CAMTA2: variants seen among roughly 807,000 people sequenced by gnomAD.
The protein encoded by CAMTA2 is calmodulin binding transcription activator 2, also known as calmodulin-binding transcription activator 2.
CAMTA2 carries 56 observed loss-of-function variants against 135.7 expected under a neutral mutation model. The ratio of observed to expected loss-of-function variants is 0.41; its 90% CI spans 0.33 to 0.52. The LOEUF is 0.52. Ranked by LOEUF, CAMTA2 falls within the 20% of genes least tolerant of loss-of-function variation. CAMTA2 has a pLI of 0.16. For synonymous variants in CAMTA2, 591 were observed against 604.6 expected, an observed-to-expected ratio of 0.98 and a Z score of 0.33; for missense variants, 1,358 against 1,553.4, an observed-to-expected ratio of 0.87 and a Z score of 2.11.
rs752138483 is a variant in CAMTA2 at position 4,969,777 on chromosome 17, G to A, written c.3190-76C>T. The stretch of plus-strand genomic sequence containing the variant: ...GACTTGTCCCTTCAACTTTCCTGGG[G>A]TTCCCCTGACCCTTTACCCCATCCA... On this transcript the variant is annotated intron_variant, in intron 18 of 22. Coordinates refer to ENST00000348066, the MANE Select transcript of CAMTA2 (RefSeq NM_015099.4). This position sits in a 1 kb window ranked among gnomAD's most constrained non-coding sequence, Gnocchi z 5.6. 10 of 1,600,264 alleles carry A rather than the reference G, an allele frequency of 6.2e-6. No homozygotes were observed. The highest frequency in any genetic ancestry group is 2.2e-5 in the East Asian group (1 of 44,770).
Position 4,973,014 on chromosome 17 carries a change from C to T in CAMTA2, c.2281-23G>A, listed in dbSNP as rs749428043. The T allele has an allele frequency of 2.6e-5, 41 of 1,599,788 alleles. No homozygotes were observed. In the Admixed American group the frequency reaches 4.0e-4, roughly 16 times the overall value. On this transcript the variant is annotated intron_variant, in intron 14 of 22. Coordinates refer to ENST00000348066, the MANE Select transcript of CAMTA2 (RefSeq NM_015099.4). ...CATCTGAGGAAGGGGGCGGGACAGG[C>T]GGAGACGGAGGTGGAGGTGAGGCCA... is the stretch of plus-strand genomic sequence containing the variant.
Position 4,981,663 on chromosome 17 carries a change from A to C in CAMTA2, c.565+15T>G, listed in dbSNP as rs747325710. ...ACTCTCCCCTTGGAGCTCTATCCCCACCCTGCTGCCTTACACATGGGCTTC... is the reference window on the plus strand; with the variant it reads ...ACTCTCCCCTTGGAGCTCTATCCCCCCCCTGCTGCCTTACACATGGGCTTC... On this transcript the variant is annotated intron_variant, in intron 7 of 22. Transcript: ENST00000348066. 1.9e-6 allele frequency: 3 copies of C among 1,579,236 alleles called. No homozygotes were observed. Among genetic ancestry groups the C allele is most frequent in the Non-Finnish European group, 2.6e-6 (3 of 1,159,988 alleles).
Position 4,981,246 on chromosome 17 carries a change from AG to A in CAMTA2, c.678del (p.Cys227ValfsTer33). ...TTACCAAGCCCCCCACTGCAGAGAC[AG>A]GCGTGGGTTCGGGGAGCAGGCTTGG... The part of the protein sequence containing the change: ...HPTKPAPRTH[A>X]CLCSGGLGSG... On this transcript the variant is annotated frameshift_variant, in exon 8 of 23. Coordinates refer to ENST00000348066, the MANE Select transcript of CAMTA2 (RefSeq NM_015099.4). LOFTEE classifies it high-confidence loss of function. 1 of 1,613,944 alleles carries A rather than the reference AG, an allele frequency of 6.2e-7. No homozygotes were observed.
intron 13 of CAMTA2, 64 bp downstream of exon 13, chr17:4,973,521 C>G: frequency 6.6e-7 from 1 of 1,508,158 alleles, no homozygotes; most frequent in East Asian, 2.4e-5. Flanking sequence ...TCCAATTCCT[C>G]TTCAGTCCCC....
At chr17:4,979,086 ACAGT>A (rs1467595088) in intron 9 of CAMTA2, among the ~76,000 whole-genome samples, 3 of 152,154 alleles carry the variant, frequency 2.0e-5, no homozygotes, top group African/African-American at 2.4e-5. Context: ...ACCCCTGAAA[ACAGT>A]CAGGAAGGGA....
chr17:4,986,109 A>C, intron 2 of CAMTA2, 83 bp downstream of exon 2: 1 of 1,114,572 alleles, frequency 9.0e-7, no homozygotes, highest in East Asian at 2.3e-5. Flanking sequence ...AGGAGAACAG[A>C]AAATCCAAGA....
intron 8 of CAMTA2, 75 bp downstream of exon 8, chr17:4,981,150 T>C (rs1972933781): frequency 6.5e-7 from 1 of 1,531,000 alleles, no homozygotes; most frequent in South Asian, 1.2e-5. Context: ...CCCATCAAGA[T>C]GGATATCCCC....
intron 3 of CAMTA2, among the ~76,000 whole-genome samples, chr17:4,984,361 C>A (rs1164897111): frequency 6.6e-6 from 1 of 152,188 alleles, no homozygotes; most frequent in African/African-American, 2.4e-5. Context: ...CAGATGGATC[C>A]ATTGATTCCT....
chr17:4,982,285 C>G, intron 5 of CAMTA2, 125 bp from the exon 6 acceptor site: 1 of 709,208 alleles, frequency 1.4e-6, no homozygotes, highest in Non-Finnish European at 2.5e-6. Flanking sequence ...CCCACCCTCG[C>G]CCCCACCTAT....
At position 4,981,840 on chromosome 17, in the gene CAMTA2, A is replaced by G. The variant is rs765851634; in HGVS notation, c.412-9T>C. Reference sequence around the variant, plus strand: ...AGGACGATGTCAGGGTTCTGAGAGTATAAGGGGACACACAGAGCCATGGGG... The same window carrying G: ...AGGACGATGTCAGGGTTCTGAGAGTGTAAGGGGACACACAGAGCCATGGGG... On this transcript the variant is annotated splice_polypyrimidine_tract_variant and intron_variant, in intron 6 of 22. Coordinates refer to ENST00000348066, the MANE Select transcript of CAMTA2 (RefSeq NM_015099.4). The G allele has an allele frequency of 2.5e-5, 39 of 1,590,314 alleles. 1 individual carries two copies. In the Admixed American group the frequency reaches 6.7e-4, roughly 27 times the overall value.
At chr17:4,968,852 T>G in intron 22 of CAMTA2, 33 bp from the exon 23 acceptor site, 1 of 1,612,788 alleles carries the variant, frequency 6.2e-7, no homozygotes, top group Non-Finnish European at 8.5e-7. Flanking sequence ...CAGAGGAGAC[T>G]GGCGGATCAC....
chr17:4,973,079 C>T (rs1181915109), intron 14 of CAMTA2, 88 bp from the exon 15 acceptor site: 28 of 1,500,550 alleles, frequency 1.9e-5, no homozygotes, highest in Non-Finnish European at 2.3e-5. Context: ...CAGGCCCCAG[C>T]CCACCCCACT....
chr17:4,977,001 A>G (rs1046712111), intron 11 of CAMTA2, 57 bp downstream of exon 11: 1 of 1,592,182 alleles, frequency 6.3e-7, no homozygotes, highest in East Asian at 2.3e-5. Flanking sequence ...GTCTAGGAGC[A>G]TGTCATGCTT....
rs764871217 is a variant in CAMTA2 at position 4,987,650 on chromosome 17, C to T, written c.-122G>A. ...GCCATTCTACCCCACACCGACCCCC[C>T]CCAGCGCCGGCTGACAGCGGCGTCT... On this transcript the variant is annotated 5_prime_UTR_variant, in exon 1 of 23. Coordinates refer to ENST00000348066, the MANE Select transcript of CAMTA2 (RefSeq NM_015099.4). 2.0e-5 allele frequency: 30 copies of T among 1,521,982 alleles called. No homozygotes were observed. Among genetic ancestry groups the T allele is most frequent in the Admixed American group, 1.0e-4 (5 of 49,726 alleles). The allele number at this position is 1,521,982 out of a possible 1,614,324, so 94.3% of individuals were successfully genotyped here.
rs1439751813 is a variant in CAMTA2, at chr17:4,987,582, C to G, written c.-65+11G>C. ...GGGGCGGAGAGGCGGGCGAGAGGCC[C>G]TGGCTCTTACCTCCCGGGGTCCCGC... On this transcript the variant is annotated intron_variant, in intron 1 of 22. Transcript: ENST00000348066. 1 of 1,524,616 alleles carries G rather than the reference C, an allele frequency of 6.6e-7. No individual in the cohort carries two copies. The highest frequency in any genetic ancestry group is 8.8e-7 in the Non-Finnish European group (1 of 1,141,648). 94.4% of individuals were successfully genotyped at this position (1,524,616 alleles called of 1,614,324 possible).
chr17:4,980,401 G>T lies in CAMTA2; in HGVS notation c.921C>A (p.Ile307=), dbSNP rs1258617882. 2 of 1,614,008 alleles carry T rather than the reference G, an allele frequency of 1.2e-6. No homozygotes were observed. Among genetic ancestry groups the T allele is most frequent in the Non-Finnish European group, 1.7e-6 (2 of 1,179,988 alleles). ...CTCGAGAAGTGGGAGGGCTAGGTCT[G>T]ATTTCTAGGGGCTCTGCAAAACCTG... is the stretch of plus-strand genomic sequence containing the variant. ...SSSGFAEPLE[I]RPSPPTSRGG... is the part of the protein sequence containing the mutation. Residue 307 remains isoleucine, a synonymous_variant, in exon 9 of 23, where the codon ATC becomes ATA. Transcript: ENST00000348066. This position sits in a 1 kb window ranked among gnomAD's most constrained non-coding sequence, Gnocchi z 5.3.
chr17:4,970,136 C>T (rs966814795), intron 17 of CAMTA2, 51 bp from the exon 18 acceptor site: 8 of 1,566,226 alleles, frequency 5.1e-6, no homozygotes, highest in Non-Finnish European at 7.0e-6. Context: ...AGTCCCTCCT[C>T]TGCCACCTAT....
Position 4,974,367 on chromosome 17 carries a change from C to A in CAMTA2, c.2016+18G>T. On this transcript the variant is annotated intron_variant, in intron 12 of 22. Transcript: ENST00000348066. The stretch of plus-strand genomic sequence containing the variant: ...CCCTGCTCCCCACCGTAGACCACCT[C>A]CCTCCTCACAGAAGTACCTGAACTG... The A allele has an allele frequency of 6.6e-7, 1 of 1,517,960 alleles. No homozygotes were observed. Among genetic ancestry groups the A allele is most frequent in the Non-Finnish European group, 9.2e-7 (1 of 1,092,576 alleles). The allele number at this position is 1,517,960 out of a possible 1,614,324, so 94.0% of individuals were successfully genotyped here. A position where few individuals can be genotyped will look rare whatever the true frequency, so the allele number is the denominator to read the frequency against.
chr17:4,976,585 C>T (rs1972632063), intron 11 of CAMTA2, among the ~76,000 whole-genome samples: 1 of 152,040 alleles, frequency 6.6e-6, no homozygotes, highest in Non-Finnish European at 1.5e-5. Context: ...CCTGTAATCC[C>T]AGCTACTTGG....
Sources: allele counts gnomAD v4.1 joint callset (sites outside exome capture counted in the v4.1 genomes callset), GRCh38; gene constraint gnomAD v4.1.1; non-coding constraint Gnocchi (gnomAD v3.1); transcripts MANE v1.5; gene names NCBI Gene and HGNC (gene_info 2026-07-23, HGNC 2026-07-21).